RUNX1: variants seen among roughly 807,000 people sequenced by gnomAD.
RUNX1 encodes the protein RUNX family transcription factor 1, also known as runt-related transcription factor 1.
A neutral mutation model predicts 42.8 loss-of-function variants in RUNX1; 19 were observed. The ratio of observed to expected loss-of-function variants is 0.44; its 90% CI spans 0.31 to 0.65. The LOEUF (loss-of-function observed/expected upper bound fraction) is 0.65. Among genes scored for constraint, RUNX1 ranks in the 30% least tolerant of loss-of-function variants. RUNX1 has a pLI of 0.07. For synonymous variants in RUNX1, 271 were observed against 289.4 expected (o/e 0.94, Z 0.64); for missense variants, 528 against 672.0 (o/e 0.79, Z 2.37).
In RUNX1 at chr21:35,018,622, T is replaced by G. The variant is rs576513341; in HGVS notation, c.58+30220A>C. Among the ~76,000 whole-genome samples, 9 of 152,320 alleles carry G rather than the reference T, an allele frequency of 5.9e-5. No individual in the cohort carries two copies. The South Asian group carries it at 1.9e-3, about 32-fold the overall frequency. The stretch of plus-strand genomic sequence containing the variant: ...ATCTGATATCGTTTGAATTATCACT[T>G]AACTTGGGGGAATTAAATAAGGCAC... On this transcript the variant is annotated intron_variant, in intron 2 of 8. Coordinates refer to ENST00000675419, the MANE Select transcript of RUNX1 (RefSeq NM_001754.5).
chr21:34,792,138 G>A lies in RUNX1; in HGVS notation c.1440C>T (p.Tyr480=), dbSNP rs1555884783. The change falls in exon 9 of 9, where the codon TAC becomes TAT. Residue 480 remains tyrosine, a synonymous_variant. Coordinates refer to ENST00000675419, the MANE Select transcript of RUNX1 (RefSeq NM_001754.5). The surrounding 1 kb of genome is among the most constrained non-coding windows in gnomAD (Gnocchi z 6.9). Reference sequence around the variant, plus strand: ...CAGCCGGGCCAGGCCTGGCGCCTCAGTAGGGCCTCCACACGGCCTCCTCCA... The same window carrying A: ...CAGCCGGGCCAGGCCTGGCGCCTCAATAGGGCCTCCACACGGCCTCCTCCA... ...ARLEEAVWRP[Y] is the part of the protein sequence containing the mutation. 1.4e-6 allele frequency: 2 copies of A among 1,473,640 alleles called. No individual in the cohort carries two copies. The highest frequency in any genetic ancestry group is 1.8e-6 in the Non-Finnish European group (2 of 1,121,302). 91.3% of individuals were successfully genotyped at this position (1,473,640 alleles called of 1,614,324 possible). A position where few individuals can be genotyped will look rare whatever the true frequency, so the allele number is the denominator to read the frequency against.
At chr21:35,034,565 G>A (rs1198196942) in intron 2 of RUNX1, among the ~76,000 whole-genome samples, 2 of 152,198 alleles carry the variant, frequency 1.3e-5, no homozygotes, top group Non-Finnish European at 2.9e-5. Context: ...CCCCTCAGGG[G>A]TCATCTGGCA....
At chr21:34,877,218 A>G (rs889592911) in intron 5 of RUNX1, among the ~76,000 whole-genome samples, 7 of 152,160 alleles carry the variant, frequency 4.6e-5, no homozygotes, top group African/African-American at 1.7e-4. Flanking sequence ...CTTTCTTGTC[A>G]TTCTAAAGGT....
intron 5 of RUNX1, among the ~76,000 whole-genome samples, chr21:34,867,758 A>G (rs1217087130): frequency 1.3e-5 from 2 of 152,128 alleles, no homozygotes; most frequent in Non-Finnish European, 2.9e-5. Context: ...TGGGGAACCA[A>G]GTTTTAACCA....
intron 7 of RUNX1, among the ~76,000 whole-genome samples, chr21:34,811,504 C>A (rs907319569): frequency 6.6e-6 from 1 of 152,220 alleles, no homozygotes; most frequent in Admixed American, 6.5e-5. Context: ...CTTCTACACG[C>A]CCTCTGACCT....
intron 2 of RUNX1, among the ~76,000 whole-genome samples, chr21:34,911,410 G>T (rs912144589): frequency 6.6e-6 from 1 of 152,170 alleles, no homozygotes; most frequent in Admixed American, 6.5e-5. Context: ...AGAGGAATGG[G>T]AGATCCACCA....
intron 2 of RUNX1, among the ~76,000 whole-genome samples, chr21:35,005,592 T>C (rs1323559319): frequency 6.6e-6 from 1 of 152,166 alleles, no homozygotes; most frequent in Non-Finnish European, 1.5e-5. Context: ...TGGCACCTAA[T>C]CATAAAGGAC....
intron 2 of RUNX1, among the ~76,000 whole-genome samples, chr21:34,928,960 TTG>T (rs1036076382): frequency 1.2e-5 from 1 of 84,250 alleles, no homozygotes; most frequent in African/African-American, 3.7e-5. Flanking sequence ...CAGATTTTTT[TTG>T]GGGGGGGGGG....
intron 6 of RUNX1, among the ~76,000 whole-genome samples, chr21:34,844,116 CAG>C (rs1255709738): frequency 6.6e-6 from 1 of 152,182 alleles, no homozygotes; most frequent in Admixed American, 6.5e-5. Context: ...GAAAAGTAAC[CAG>C]AGAGTGGTAA....
chr21:34,925,338 A>T (rs1230579680), intron 2 of RUNX1, among the ~76,000 whole-genome samples: 1 of 152,210 alleles, frequency 6.6e-6, no homozygotes, highest in Non-Finnish European at 1.5e-5. Context: ...AATCTCTGGT[A>T]CTTGTGAATG....
chr21:34,943,204 G>A (rs1293525445), intron 2 of RUNX1, among the ~76,000 whole-genome samples: 1 of 152,172 alleles, frequency 6.6e-6, no homozygotes, highest in African/African-American at 2.4e-5. Flanking sequence ...TCTACTGTTC[G>A]GGGTTTTATG....
At chr21:34,825,831 C>T (rs564068426) in intron 7 of RUNX1, among the ~76,000 whole-genome samples, 1 of 152,220 alleles carries the variant, frequency 6.6e-6, no homozygotes, top group Admixed American at 6.5e-5. Context: ...AACATGTATC[C>T]TTAGACAAAA....
chr21:34,792,312 CTCG>C lies in RUNX1; in HGVS notation c.1263_1265del (p.Glu422del). On this transcript the variant is annotated inframe_deletion, in exon 9 of 9. Coordinates refer to ENST00000675419, the MANE Select transcript of RUNX1 (RefSeq NM_001754.5). The surrounding 1 kb of genome is among the most constrained non-coding windows in gnomAD (Gnocchi z 6.9). ...GCGGCAGGATGCGCGGCGGCGAGCG[CTCG>C]CCGCCCACCATGGAGAACTGGTAGG... 1.3e-6 allele frequency: 2 copies of C among 1,539,490 alleles called. No homozygotes were observed. Among genetic ancestry groups the C allele is most frequent in the East Asian group, 2.5e-5 (1 of 40,556 alleles).
chr21:34,913,902 T>G (rs1465200421), intron 2 of RUNX1, among the ~76,000 whole-genome samples: 4 of 152,176 alleles, frequency 2.6e-5, no homozygotes, highest in African/African-American at 9.7e-5. Flanking sequence ...CATGGCGTGT[T>G]GTCTAAAAAT....
chr21:35,038,422 A>G (rs1407546607), intron 2 of RUNX1: 5 of 409,312 alleles, frequency 1.2e-5, no homozygotes, highest in Non-Finnish European at 2.4e-5. Context: ...AGGGAAAGAA[A>G]TAAAGGTCTG....
intron 6 of RUNX1, among the ~76,000 whole-genome samples, chr21:34,855,250 T>C (rs77367874): frequency 6.6e-6 from 1 of 152,124 alleles, no homozygotes; most frequent in Admixed American, 6.5e-5. Context: ...TCTTCCTCCA[T>C]GGCATTGAAC....
intron 2 of RUNX1, among the ~76,000 whole-genome samples, chr21:34,953,628 A>C (rs1052575771): frequency 6.6e-6 from 1 of 152,302 alleles, no homozygotes. Flanking sequence ...AAAGAAATAA[A>C]CTTTTATTTT....
At chr21:35,017,771 C>T (rs1222891860) in intron 2 of RUNX1, among the ~76,000 whole-genome samples, 2 of 152,072 alleles carry the variant, frequency 1.3e-5, no homozygotes, top group African/African-American at 2.4e-5. Context: ...TTATCATAGC[C>T]GTCTTCAGGA....
intron 2 of RUNX1, among the ~76,000 whole-genome samples, chr21:35,012,202 G>T (rs1440847598): frequency 6.6e-6 from 1 of 152,138 alleles, no homozygotes; most frequent in African/African-American, 2.4e-5. Context: ...TATGTGTCTG[G>T]ATGCCTTGCT....
Sources: allele counts gnomAD v4.1 joint callset (sites outside exome capture counted in the v4.1 genomes callset), GRCh38; gene constraint gnomAD v4.1.1; non-coding constraint Gnocchi (gnomAD v3.1); transcripts MANE v1.5; gene names NCBI Gene and HGNC (gene_info 2026-07-23, HGNC 2026-07-21).